POU6F2: variants seen among roughly 807,000 people sequenced by gnomAD.
POU6F2 encodes the protein POU domain, class 6, transcription factor 2.
Under a neutral mutation model 71.3 loss-of-function variants are expected in POU6F2, and 31 were observed. That is an observed-to-expected ratio of 0.43 (90% CI 0.33 to 0.59). The LOEUF is 0.59. Among genes scored for constraint, POU6F2 ranks in the 20% least tolerant of loss-of-function variants. The pLI, the probability that POU6F2 is intolerant of heterozygous loss-of-function variation, is 0.04. For missense variants in POU6F2, 783 were observed against 856.8 expected (o/e 0.91, Z 1.07); for synonymous variants, 347 against 355.7 (o/e 0.98, Z 0.27).
intron 6 of POU6F2, among the ~76,000 whole-genome samples, chr7:39,409,761 A>G (rs568215587): frequency 4.6e-5 from 7 of 152,334 alleles, no homozygotes; most frequent in African/African-American, 1.7e-4. Context: ...CTCAACAGAA[A>G]GAAATCCCCC....
intron 6 of POU6F2, among the ~76,000 whole-genome samples, chr7:39,419,731 G>C (rs1004712448): frequency 1.3e-5 from 2 of 152,094 alleles, no homozygotes; most frequent in Non-Finnish European, 1.5e-5. Flanking sequence ...CTTGGCACTC[G>C]CATCTGTCTT....
chr7:39,180,261 C>T (rs1442126277), intron 2 of POU6F2, among the ~76,000 whole-genome samples: 3 of 151,950 alleles, frequency 2.0e-5, no homozygotes, highest in East Asian at 1.9e-4. Flanking sequence ...GGGTCTATTC[C>T]GAAGATTTAA....
intron 7 of POU6F2, among the ~76,000 whole-genome samples, chr7:39,440,804 T>C (rs565214680): frequency 1.7e-3 from 264 of 152,342 alleles, no homozygotes; most frequent in African/African-American, 6.2e-3. Context: ...TGATTCTTTC[T>C]CATCTTTGTG....
At chr7:39,446,684 A>G (rs1198843497) in intron 7 of POU6F2, among the ~76,000 whole-genome samples, 1 of 152,232 alleles carries the variant, frequency 6.6e-6, no homozygotes, top group Non-Finnish European at 1.5e-5. Flanking sequence ...TGTGAGAGCC[A>G]GTAGGACGTA....
chr7:39,281,507 T>C (rs183188600), intron 4 of POU6F2, among the ~76,000 whole-genome samples: 191 of 151,386 alleles, frequency 1.3e-3, no homozygotes, highest in Middle Eastern at 3.4e-3. Context: ...TCTATTTCTA[T>C]GAGATCAACT....
chr7:39,184,824 C>T (rs1218435029), intron 2 of POU6F2, among the ~76,000 whole-genome samples: 2 of 152,160 alleles, frequency 1.3e-5, no homozygotes, highest in Non-Finnish European at 2.9e-5. Context: ...TCCACCCTCA[C>T]CTACAGTTTA....
chr7:39,167,189 A>G (rs914679391), intron 2 of POU6F2, among the ~76,000 whole-genome samples: 6 of 152,094 alleles, frequency 3.9e-5, no homozygotes, highest in African/African-American at 1.4e-4. Context: ...ATATATACCT[A>G]CACTCATATG....
chr7:39,178,213 C>CA (rs1793368584), intron 2 of POU6F2, among the ~76,000 whole-genome samples: 1 of 152,074 alleles, frequency 6.6e-6, no homozygotes, highest in East Asian at 1.9e-4. Flanking sequence ...GAGATCATGC[C>CA]GCTGCACTCC....
intron 1 of POU6F2, among the ~76,000 whole-genome samples, chr7:39,070,777 A>G (rs776206138): frequency 2.6e-5 from 4 of 152,158 alleles, no homozygotes; most frequent in Admixed American, 1.3e-4. Context: ...ACACCCCTCC[A>G]GGTCACCCTA....
chr7:39,293,954 G>A (rs1047342243), intron 4 of POU6F2, among the ~76,000 whole-genome samples: 1 of 152,122 alleles, frequency 6.6e-6, no homozygotes, highest in Non-Finnish European at 1.5e-5. Flanking sequence ...CACAAGACTG[G>A]AGCAAAGGAT....
At chr7:39,438,090 C>A (rs1377125529) in intron 7 of POU6F2, among the ~76,000 whole-genome samples, 1 of 152,132 alleles carries the variant, frequency 6.6e-6, no homozygotes, top group Non-Finnish European at 1.5e-5. Context: ...TGCTATCTCT[C>A]CCCCATCCCC....
At chr7:38,983,186 A>T (rs2116594811) in intron 1 of POU6F2, among the ~76,000 whole-genome samples, 1 of 152,248 alleles carries the variant, frequency 6.6e-6, no homozygotes, top group South Asian at 2.1e-4. Flanking sequence ...AATGTGCAAA[A>T]AGATAAATAT....
In POU6F2 at chr7:39,108,665, GT is replaced by G. The variant is rs1039919003; in HGVS notation, c.277+22643del. Among the ~76,000 whole-genome samples, 20 of 151,798 alleles carry G rather than the reference GT, an allele frequency of 1.3e-4. No individual in the cohort carries two copies. In the East Asian group the frequency reaches 3.3e-3, roughly 25 times the overall value. ...CAGTGAATGCATTCCCCAAGAGGAA[GT>G]TTTTTTTTGTTACTACACTAACCAT... On this transcript the variant is annotated intron_variant, in intron 2 of 9. Transcript: ENST00000518318.
chr7:39,066,842 T>G, intron 1 of POU6F2, among the ~76,000 whole-genome samples: 1 of 148,644 alleles, frequency 6.7e-6, no homozygotes. Flanking sequence ...TTTGCCCTAT[T>G]ATATAGGTTA....
chr7:39,227,161 A>T (rs1794475504), intron 4 of POU6F2, among the ~76,000 whole-genome samples: 1 of 152,218 alleles, frequency 6.6e-6, no homozygotes, highest in Admixed American at 6.5e-5. Context: ...AAAAATTCTA[A>T]CTATTAAGGT....
At chr7:38,978,548 C>A (rs1035533955) in intron 1 of POU6F2, among the ~76,000 whole-genome samples, 1 of 152,154 alleles carries the variant, frequency 6.6e-6, no homozygotes, top group African/African-American at 2.4e-5. Context: ...TGTGCCTTGA[C>A]TTCTAACCCA....
intron 4 of POU6F2, among the ~76,000 whole-genome samples, chr7:39,289,283 A>G (rs1341830571): frequency 6.6e-6 from 1 of 152,214 alleles, no homozygotes; most frequent in Non-Finnish European, 1.5e-5. Flanking sequence ...AGCAAGACCC[A>G]GAAGGGCTGG....
chr7:39,130,066 C>CA (rs572365688), intron 2 of POU6F2, among the ~76,000 whole-genome samples: 2,748 of 44,212 alleles, frequency 0.062, 225 homozygotes, highest in African/African-American at 0.12. Flanking sequence ...GACTCCATCT[C>CA]AAAAAAAAAA....
At chr7:39,393,019 C>T (rs552011891) in intron 5 of POU6F2, among the ~76,000 whole-genome samples, 1 of 152,244 alleles carries the variant, frequency 6.6e-6, no homozygotes, top group South Asian at 2.1e-4. Flanking sequence ...TGAGATTAAG[C>T]TTTATGTTTT....
Sources: allele counts gnomAD v4.1 joint callset (sites outside exome capture counted in the v4.1 genomes callset), GRCh38; gene constraint gnomAD v4.1.1; transcripts MANE v1.5; gene names NCBI Gene and HGNC (gene_info 2026-07-23, HGNC 2026-07-21).